PTPDC1: variants seen among roughly 807,000 people sequenced by gnomAD.
PTPDC1 encodes protein tyrosine phosphatase domain-containing protein 1.
Under a neutral mutation model 75.3 loss-of-function variants are expected in PTPDC1, and 53 were observed. The observed-to-expected ratio is 0.70, with a 90% CI of 0.56 to 0.88. The LOEUF is 0.88. Among genes scored for constraint, PTPDC1 ranks in the 40% least tolerant of loss-of-function variants. The pLI, the probability that PTPDC1 is intolerant of heterozygous loss-of-function variation, is 0.00. For missense variants in PTPDC1, 925 were observed against 998.6 expected, an observed-to-expected ratio of 0.93 and a Z score of 0.99; for synonymous variants, 349 against 366.2, an observed-to-expected ratio of 0.95 and a Z score of 0.54.
intron 1 of PTPDC1, among the ~76,000 whole-genome samples, chr9:94,045,843 G>C (rs1825580973): frequency 6.6e-6 from 1 of 151,980 alleles, no homozygotes; most frequent in Non-Finnish European, 1.5e-5. Flanking sequence ...AAGCTCTTTA[G>C]TTTAATTAGA....
chr9:94,097,141 G>A (rs541056356), intron 5 of PTPDC1, among the ~76,000 whole-genome samples, 180 bp from the exon 6 acceptor site: 2 of 152,222 alleles, frequency 1.3e-5, no homozygotes, highest in South Asian at 4.1e-4. Context: ...AGTAAGGAAC[G>A]TGCAAAATAA....
At chr9:94,094,905 C>T (rs11789957) in intron 4 of PTPDC1, among the ~76,000 whole-genome samples, 33,816 of 152,244 alleles carry the variant, frequency 0.22, 4,388 homozygotes, top group Admixed American at 0.29. Flanking sequence ...TTGCGCTTCC[C>T]AAGTGAGGCA....
rs1827645880 is a variant in PTPDC1, at chr9:94,097,634, C to A, written c.1068C>A (p.Asn356Lys). The A allele has an allele frequency of 1.2e-6, 2 of 1,613,928 alleles. No individual in the cohort carries two copies. Among genetic ancestry groups the A allele is most frequent in the African/African-American group, 2.7e-5 (2 of 74,930 alleles). Reference sequence around the variant, plus strand: ...AATTGCTGCTGGACTTAGCGGAGAACAGGCCAGTGATGATGAAGGATGTGT... The same window carrying A: ...AATTGCTGCTGGACTTAGCGGAGAAAAGGCCAGTGATGATGAAGGATGTGT... ...VCKLLLDLAE[N>K]RPVMMKDVSE... Residue 356 changes from asparagine to lysine, a missense_variant, in exon 6 of 9, where the codon AAC becomes AAA. By Grantham distance (94) the Asn-to-Lys change is moderately conservative. Transcript: ENST00000620992.
At chr9:94,043,954 A>G (rs1825509686) in intron 1 of PTPDC1, among the ~76,000 whole-genome samples, 1 of 152,138 alleles carries the variant, frequency 6.6e-6, no homozygotes, top group African/African-American at 2.4e-5. Flanking sequence ...ACCTTTTTCA[A>G]AAATTAGTCG....
At chr9:94,045,305 C>T (rs1032345546) in intron 1 of PTPDC1, among the ~76,000 whole-genome samples, 36 of 152,020 alleles carry the variant, frequency 2.4e-4, no homozygotes, top group African/African-American at 7.7e-4. Context: ...AGTAAACATA[C>T]GTGTGCATGT....
chr9:94,085,402 T>G lies in PTPDC1; in HGVS notation c.396T>G (p.Ile132Met). 6.2e-7 allele frequency: 1 copy of G among 1,614,082 alleles called. No homozygotes were observed. Among genetic ancestry groups the G allele is most frequent in the Middle Eastern group, 1.6e-4 (1 of 6,062 alleles). ...PARWSEQEQA[I>M]KGVYSSWVTD... ...GCTGGAGTGAGCAGGAGCAAGCCAT[T>G]AAGGGGGTTTACTCATCCTGGTGAG... is the stretch of plus-strand genomic sequence containing the variant. The change falls in exon 2 of 9, where the codon ATT (isoleucine) becomes ATG (methionine). Residue 132 changes from isoleucine to methionine, a missense_variant. By Grantham distance (10) the Ile-to-Met change is conservative (BLOSUM62 1). Transcript: ENST00000620992.
chr9:94,050,819 T>C (rs952053868), intron 1 of PTPDC1, among the ~76,000 whole-genome samples: 2 of 152,226 alleles, frequency 1.3e-5, no homozygotes, highest in Non-Finnish European at 2.9e-5. Context: ...AGGTGGAGTC[T>C]ACAGAGGCAG....
At chr9:94,063,054 G>A (rs1826190537) in intron 1 of PTPDC1, among the ~76,000 whole-genome samples, 1 of 152,186 alleles carries the variant, frequency 6.6e-6, no homozygotes, top group African/African-American at 2.4e-5. Context: ...CATTATAGCT[G>A]AAGAGCAAAG....
intron 2 of PTPDC1, among the ~76,000 whole-genome samples, chr9:94,065,452 C>T (rs1050514361): frequency 6.6e-6 from 1 of 152,232 alleles, no homozygotes; most frequent in Non-Finnish European, 1.5e-5. Context: ...GGGGCTTTGC[C>T]CACCTTCACT....
At chr9:94,048,437 T>G (rs1402555249) in intron 1 of PTPDC1, among the ~76,000 whole-genome samples, 1 of 152,202 alleles carries the variant, frequency 6.6e-6, no homozygotes, top group Non-Finnish European at 1.5e-5. Context: ...AGAACATCTT[T>G]ATTTCTGCCT....
chr9:94,089,795 A>C (rs1260223500), intron 4 of PTPDC1, among the ~76,000 whole-genome samples: 18 of 46,086 alleles, frequency 3.9e-4, no homozygotes, highest in South Asian at 9.9e-4. Context: ...ATGGTATCTC[A>C]TTGTGGTTTT....
chr9:94,087,114 TA>T (rs1827100194), intron 2 of PTPDC1, among the ~76,000 whole-genome samples: 1 of 152,224 alleles, frequency 6.6e-6, no homozygotes, highest in Non-Finnish European at 1.5e-5. Flanking sequence ...ACCCATTGAG[TA>T]ACAATCCAGA....
At chr9:94,103,558 T>C (rs1250806193) in intron 7 of PTPDC1, among the ~76,000 whole-genome samples, 1 of 151,964 alleles carries the variant, frequency 6.6e-6, no homozygotes, top group Non-Finnish European at 1.5e-5. Context: ...ATAGGCGTCA[T>C]TGTAATGATA....
intron 8 of PTPDC1, among the ~76,000 whole-genome samples, chr9:94,106,419 C>T (rs1828026545): frequency 6.6e-6 from 1 of 152,214 alleles, no homozygotes; most frequent in Admixed American, 6.5e-5. Flanking sequence ...CCTTGTGAAA[C>T]ATTGGAGTTT....
Position 94,101,672 on chromosome 9 carries a change from CTGT to C in PTPDC1, c.2121_2123del (p.Val708del). The C allele has an allele frequency of 6.2e-7, 1 of 1,613,888 alleles. No homozygotes were observed. Among genetic ancestry groups the C allele is most frequent in the Non-Finnish European group, 8.5e-7 (1 of 1,179,842 alleles). On this transcript the variant is annotated inframe_deletion, in exon 7 of 9. Coordinates refer to ENST00000620992, the MANE Select transcript of PTPDC1 (RefSeq NM_001253829.2). ...TCTTGGGTGGAGCAACTGAAGGAGC[CTGT>C]AATCACCAAAGAGGATGTGGACATG...
chr9:94,073,832 T>G (rs1367697594), intron 2 of PTPDC1, among the ~76,000 whole-genome samples: 7 of 152,186 alleles, frequency 4.6e-5, no homozygotes, highest in African/African-American at 1.7e-4. Flanking sequence ...CTTTGAGACT[T>G]CCTATTTGAC....
chr9:94,037,725 G>A (rs1024516501), intron 1 of PTPDC1, among the ~76,000 whole-genome samples: 3 of 151,906 alleles, frequency 2.0e-5, no homozygotes, highest in African/African-American at 7.3e-5. Context: ...CTTAATTCCT[G>A]CCCCTTTCGG....
chr9:94,049,550 C>T (rs1825722262), intron 1 of PTPDC1, among the ~76,000 whole-genome samples: 1 of 152,246 alleles, frequency 6.6e-6, no homozygotes, highest in Non-Finnish European at 1.5e-5. Context: ...CCCCCACTCT[C>T]TTCTGGCTTG....
At chr9:94,062,585 G>C (rs1826176206) in intron 1 of PTPDC1, among the ~76,000 whole-genome samples, 1 of 152,226 alleles carries the variant, frequency 6.6e-6, no homozygotes, top group Non-Finnish European at 1.5e-5. Context: ...TTTTGGGGAG[G>C]CCTCATGGTG....
Sources: allele counts gnomAD v4.1 joint callset (sites outside exome capture counted in the v4.1 genomes callset), GRCh38; gene constraint gnomAD v4.1.1; transcripts MANE v1.5; gene names NCBI Gene and HGNC (gene_info 2026-07-23, HGNC 2026-07-21).